CBLB: variants seen among roughly 807,000 people sequenced by gnomAD.
CBLB encodes Cbl proto-oncogene B.
In CBLB, 31 loss-of-function variants were observed where a neutral mutation model predicts 104.9. The ratio of observed to expected loss-of-function variants is 0.30; its 90% CI spans 0.22 to 0.40. The LOEUF is 0.40. Ranked by LOEUF, CBLB falls within the 10% of genes least tolerant of loss-of-function variation. The pLI, the probability that CBLB is intolerant of heterozygous loss-of-function variation, is 1.00. For synonymous variants in CBLB, 440 were observed against 422.6 expected (o/e 1.04, Z -0.51); for missense variants, 1,062 against 1,214.6 (o/e 0.87, Z 1.87).
At chr3:105,707,261 C>A (rs1379624131) in intron 10 of CBLB, among the ~76,000 whole-genome samples, 1 of 152,156 alleles carries the variant, frequency 6.6e-6, no homozygotes, top group Non-Finnish European at 1.5e-5. Context: ...GCAATTCATA[C>A]TGTGTTCTGA....
chr3:105,859,667 A>T (rs1456713562), intron 2 of CBLB, among the ~76,000 whole-genome samples: 2 of 149,190 alleles, frequency 1.3e-5, no homozygotes, highest in Admixed American at 1.3e-4. Context: ...CGTGTCAAAA[A>T]AAAAAAAAAA....
intron 16 of CBLB, 66 bp downstream of exon 16, chr3:105,681,413 T>C: frequency 6.5e-7 from 1 of 1,548,244 alleles, no homozygotes; most frequent in Non-Finnish European, 8.9e-7. Context: ...GAACTCTGAA[T>C]TCTGAAAATT....
intron 3 of CBLB, among the ~76,000 whole-genome samples, chr3:105,852,459 AT>A (rs1442213414): frequency 6.6e-6 from 1 of 152,194 alleles, no homozygotes; most frequent in Non-Finnish European, 1.5e-5. Flanking sequence ...TAGAAAGAAA[AT>A]ATTTTTGTTA....
chr3:105,850,784 A>G (rs1305688456), intron 3 of CBLB, among the ~76,000 whole-genome samples: 2 of 152,178 alleles, frequency 1.3e-5, no homozygotes, highest in East Asian at 3.8e-4. Flanking sequence ...TGGAAGTTAC[A>G]TCTCCCACCC....
intron 4 of CBLB, among the ~76,000 whole-genome samples, chr3:105,755,516 A>AG (rs397783344): frequency 6.6e-6 from 1 of 151,422 alleles, no homozygotes; most frequent in Non-Finnish European, 1.5e-5. Context: ...AAAAAAAAAA[A>AG]GGTAAAATAT....
chr3:105,766,385 G>C (rs2078227988), intron 4 of CBLB, among the ~76,000 whole-genome samples: 1 of 152,148 alleles, frequency 6.6e-6, no homozygotes, highest in Non-Finnish European at 1.5e-5. Context: ...CTCCAATTTT[G>C]AATGAAACTC....
intron 16 of CBLB, chr3:105,681,164 T>G: frequency 2.4e-6 from 1 of 415,144 alleles, no homozygotes; most frequent in Non-Finnish European, 4.3e-6. Context: ...TTAAAGAAAA[T>G]CTCAACACTT....
intron 4 of CBLB, among the ~76,000 whole-genome samples, chr3:105,755,101 A>G (rs1437304630): frequency 6.6e-6 from 1 of 150,710 alleles, no homozygotes; most frequent in Non-Finnish European, 1.5e-5. Context: ...ATATGTATAC[A>G]TGTGCCATGC....
intron 3 of CBLB, among the ~76,000 whole-genome samples, chr3:105,809,544 C>A (rs2083986402): frequency 6.6e-6 from 1 of 152,154 alleles, no homozygotes; most frequent in South Asian, 2.1e-4. Flanking sequence ...ACAAGCAAAA[C>A]AATAACCTCA....
intron 9 of CBLB, among the ~76,000 whole-genome samples, chr3:105,721,543 T>C (rs540200141): frequency 4.6e-5 from 7 of 152,308 alleles, no homozygotes; most frequent in African/African-American, 1.4e-4. Context: ...CATATTCTTA[T>C]TCATCTGCTT....
At chr3:105,688,452 C>G (rs3772537) in intron 13 of CBLB, among the ~76,000 whole-genome samples, 32,506 of 151,804 alleles carry the variant, frequency 0.21, 3,567 homozygotes, top group Admixed American at 0.25. Flanking sequence ...AACCAAGAAA[C>G]AAGTGAATTT....
chr3:105,729,215 A>C (rs924779358), intron 9 of CBLB, among the ~76,000 whole-genome samples: 3 of 152,148 alleles, frequency 2.0e-5, no homozygotes, highest in African/African-American at 7.2e-5. Context: ...CAGGATACTC[A>C]TTTTAAGTAA....
chr3:105,815,562 G>A (rs1039860683), intron 3 of CBLB, among the ~76,000 whole-genome samples: 3 of 152,192 alleles, frequency 2.0e-5, no homozygotes, highest in South Asian at 2.1e-4. Context: ...TGCTGGAGAC[G>A]ATGTGGAAAA....
At chr3:105,836,328 C>G (rs1002634009) in intron 3 of CBLB, among the ~76,000 whole-genome samples, 6 of 152,190 alleles carry the variant, frequency 3.9e-5, no homozygotes, top group Admixed American at 3.9e-4. Flanking sequence ...TTATCTGTGT[C>G]TAACATGATC....
rs2153042012 is a variant in CBLB at position 105,812,734 on chromosome 3, G to A, written c.420-36192C>T. Among the ~76,000 whole-genome samples, 3 of 152,168 alleles carry A rather than the reference G, an allele frequency of 2.0e-5. No homozygotes were observed. The East Asian group carries it at 5.8e-4, about 29-fold the overall frequency. On this transcript the variant is annotated intron_variant, in intron 3 of 18. Transcript: ENST00000394030. Reference sequence around the variant, plus strand: ...GATCTTATAGGTGATATTTAGATGTGGTATCTATCAGAAATGTGGGGTGCT... The same window carrying A: ...GATCTTATAGGTGATATTTAGATGTAGTATCTATCAGAAATGTGGGGTGCT...
At chr3:105,744,006 C>T (rs2075871049) in intron 6 of CBLB, among the ~76,000 whole-genome samples, 1 of 151,864 alleles carries the variant, frequency 6.6e-6, no homozygotes, top group East Asian at 1.9e-4. Context: ...TACAAAAAAG[C>T]TGTATAAAAT....
chr3:105,661,452 T>C (rs1453970248), intron 18 of CBLB, among the ~76,000 whole-genome samples: 1 of 152,250 alleles, frequency 6.6e-6, no homozygotes, highest in Non-Finnish European at 1.5e-5. Flanking sequence ...AAAAAATTCA[T>C]ACATTTAAAT....
intron 10 of CBLB, among the ~76,000 whole-genome samples, chr3:105,706,369 G>T (rs1021767827): frequency 6.6e-6 from 1 of 151,920 alleles, no homozygotes; most frequent in Non-Finnish European, 1.5e-5. Context: ...CTCGGTTATG[G>T]TAAGTCAAAA....
In CBLB at chr3:105,702,476, GAAAAAAAA is replaced by G. The variant is rs34208930; in HGVS notation, c.1594-25_1594-18del. ...AGGAGAAGACTAAAGAAACAGAAGA[GAAAAAAAA>G]AAAAAAAAAAAAAAACTAAAGGTTG... On this transcript the variant is annotated intron_variant, in intron 11 of 18. Transcript: ENST00000394030. 3.2e-4 allele frequency: 89 copies of G among 279,636 alleles called. No individual in the cohort carries two copies. The highest frequency in any genetic ancestry group is 5.1e-4 in the Admixed American group (6 of 11,848). The allele number at this position is 279,636 out of a possible 1,614,324, so 17.3% of individuals were successfully genotyped here. A position where few individuals can be genotyped will look rare whatever the true frequency, so the allele number is the denominator to read the frequency against.
Sources: allele counts gnomAD v4.1 joint callset (sites outside exome capture counted in the v4.1 genomes callset), GRCh38; gene constraint gnomAD v4.1.1; transcripts MANE v1.5; gene names NCBI Gene and HGNC (gene_info 2026-07-23, HGNC 2026-07-21).